CAMTA1: variants seen among roughly 807,000 people sequenced by gnomAD.
CAMTA1 encodes calmodulin-binding transcription activator 1.
In CAMTA1, 27 loss-of-function variants were observed where a neutral mutation model predicts 170.9. The ratio of observed to expected loss-of-function variants is 0.16; its 90% CI spans 0.12 to 0.22. The LOEUF is 0.22. Ranked by LOEUF, CAMTA1 falls within the 10% of genes least tolerant of loss-of-function variation. The pLI is 1.00. For synonymous variants in CAMTA1, 833 were observed against 891.5 expected, an observed-to-expected ratio of 0.93 and a Z score of 1.17; for missense variants, 1,619 against 2,217.2, an observed-to-expected ratio of 0.73 and a Z score of 5.42.
At chr1:7,761,550 A>C (rs1282137953) in intron 22 of CAMTA1, among the ~76,000 whole-genome samples, 1 of 152,204 alleles carries the variant, frequency 6.6e-6, no homozygotes, top group Non-Finnish European at 1.5e-5. Context: ...AGTGTGTGTA[A>C]CATAACAAAA....
chr1:6,811,024 C>A (rs1329380106), intron 1 of CAMTA1, among the ~76,000 whole-genome samples: 1 of 152,190 alleles, frequency 6.6e-6, no homozygotes, highest in Non-Finnish European at 1.5e-5. Flanking sequence ...GGTGACGCTT[C>A]TCAGGAGGCC....
At chr1:7,353,550 G>A (rs756882579) in intron 5 of CAMTA1, among the ~76,000 whole-genome samples, 9 of 150,580 alleles carry the variant, frequency 6.0e-5, no homozygotes, top group Non-Finnish European at 8.8e-5. Context: ...TTAGCCTCCC[G>A]AGTAGCTGGG....
intron 6 of CAMTA1, among the ~76,000 whole-genome samples, chr1:7,582,600 T>C (rs1576220824): frequency 6.6e-6 from 1 of 152,264 alleles, no homozygotes; most frequent in East Asian, 1.9e-4. Flanking sequence ...TGCTGTAACA[T>C]CCACTCCAGC....
intron 3 of CAMTA1, among the ~76,000 whole-genome samples, chr1:6,941,664 C>T (rs1164759069): frequency 1.3e-5 from 2 of 152,190 alleles, no homozygotes; most frequent in Non-Finnish European, 2.9e-5. Flanking sequence ...CCCTGACAGG[C>T]GAGGAAGCTC....
chr1:7,720,167 C>A (rs1479051794), intron 11 of CAMTA1, among the ~76,000 whole-genome samples: 1 of 152,092 alleles, frequency 6.6e-6, no homozygotes, highest in African/African-American at 2.4e-5. Context: ...CTTTCTGGGG[C>A]TGTTCTAGAA....
At chr1:7,196,681 T>A (rs749737436) in intron 4 of CAMTA1, among the ~76,000 whole-genome samples, 1 of 151,090 alleles carries the variant, frequency 6.6e-6, no homozygotes, top group East Asian at 1.9e-4. Flanking sequence ...TTGCTAAGGG[T>A]TGTTGAGCAA....
intron 3 of CAMTA1, among the ~76,000 whole-genome samples, chr1:6,924,353 G>A (rs1484742733): frequency 6.6e-6 from 1 of 152,050 alleles, no homozygotes; most frequent in Non-Finnish European, 1.5e-5. Context: ...CCAGCTGGGA[G>A]GGGGTCAGGC....
At chr1:7,428,935 G>A (rs946111749) in intron 5 of CAMTA1, among the ~76,000 whole-genome samples, 1 of 152,222 alleles carries the variant, frequency 6.6e-6, no homozygotes, top group Admixed American at 6.5e-5. Flanking sequence ...GGCAGCGATG[G>A]CAGAAGTCAT....
intron 4 of CAMTA1, among the ~76,000 whole-genome samples, chr1:7,178,020 A>ATAC (rs1651319046): frequency 6.6e-6 from 1 of 150,782 alleles, no homozygotes; most frequent in Non-Finnish European, 1.5e-5. Flanking sequence ...CCACTTCCCA[A>ATAC]GCACTGAGGC....
At chr1:7,159,720 AT>A (rs969492087) in intron 4 of CAMTA1, among the ~76,000 whole-genome samples, 78 of 151,790 alleles carry the variant, frequency 5.1e-4, no homozygotes, top group African/African-American at 1.7e-3. Flanking sequence ...ATTAAAAAAA[AT>A]TTTTTTTGTA....
chr1:7,415,920 G>A (rs1008837097), intron 5 of CAMTA1, among the ~76,000 whole-genome samples: 16 of 152,230 alleles, frequency 1.1e-4, no homozygotes, highest in African/African-American at 3.4e-4. Flanking sequence ...TCCATGTTTA[G>A]TGCTTCCTTC....
intron 3 of CAMTA1, among the ~76,000 whole-genome samples, chr1:6,898,004 T>C (rs1162840066): frequency 6.6e-6 from 1 of 152,234 alleles, no homozygotes; most frequent in East Asian, 1.9e-4. Flanking sequence ...CTGTGTTTAG[T>C]GGTATCTGAA....
At position 7,585,362 on chromosome 1, in the gene CAMTA1, G is replaced by A. The variant is rs542080655; in HGVS notation, c.511-55038G>A. 7.2e-5 allele frequency among the ~76,000 whole-genome samples: 11 copies of A among 152,296 alleles called. No individual in the cohort carries two copies. The East Asian group carries it at 1.7e-3, about 24-fold the overall frequency. The stretch of plus-strand genomic sequence containing the variant: ...GCCCTGAGAGCGGTGGGATGGGCTG[G>A]GAGCAGATCTAGGGAATGGCAGTCC... On this transcript the variant is annotated intron_variant, in intron 6 of 22. Coordinates refer to ENST00000303635, the MANE Select transcript of CAMTA1 (RefSeq NM_015215.4). The surrounding 1 kb of genome is among the most constrained non-coding windows in gnomAD (Gnocchi z 4.8).
At chr1:6,955,547 G>A (rs900694388) in intron 3 of CAMTA1, among the ~76,000 whole-genome samples, 2 of 152,162 alleles carry the variant, frequency 1.3e-5, no homozygotes, top group Middle Eastern at 3.2e-3. Flanking sequence ...GGGATAACAA[G>A]AAAGCCTCAA....
At chr1:7,479,537 A>G (rs1414861529) in intron 6 of CAMTA1, among the ~76,000 whole-genome samples, 1 of 151,848 alleles carries the variant, frequency 6.6e-6, no homozygotes, top group African/African-American at 2.4e-5. Flanking sequence ...CTGTCCTCTC[A>G]CTCCACCTGG....
chr1:7,555,529 A>T (rs11120971), intron 6 of CAMTA1, among the ~76,000 whole-genome samples: 1 of 151,734 alleles, frequency 6.6e-6, no homozygotes, highest in Non-Finnish European at 1.5e-5. Context: ...TCCCCAGGGC[A>T]GACAGAGCCA....
intron 3 of CAMTA1, among the ~76,000 whole-genome samples, chr1:6,866,318 G>A (rs1666555310): frequency 6.6e-6 from 1 of 152,150 alleles, no homozygotes; most frequent in Non-Finnish European, 1.5e-5. Context: ...TTTTCATTCT[G>A]AAGTTTGAGA....
At chr1:6,991,789 C>G (rs531182086) in intron 3 of CAMTA1, among the ~76,000 whole-genome samples, 1 of 152,244 alleles carries the variant, frequency 6.6e-6, no homozygotes, top group African/African-American at 2.4e-5. Flanking sequence ...GTCTCCCCTT[C>G]CTGGGTTGAA....
chr1:7,454,740 C>T (rs2149477910), intron 5 of CAMTA1, among the ~76,000 whole-genome samples: 1 of 152,220 alleles, frequency 6.6e-6, no homozygotes, highest in East Asian at 1.9e-4. Flanking sequence ...GGCGGGAGGC[C>T]TCAGTCAGCC....
Sources: allele counts gnomAD v4.1 joint callset (sites outside exome capture counted in the v4.1 genomes callset), GRCh38; gene constraint gnomAD v4.1.1; non-coding constraint Gnocchi (gnomAD v3.1); transcripts MANE v1.5; gene names NCBI Gene and HGNC (gene_info 2026-07-23, HGNC 2026-07-21).